The following STS variants were observed in gnomAD, a reference collection of about 807,000 sequenced individuals.
STS encodes the protein steroid sulfatase.
In STS, 7 loss-of-function variants were observed where a neutral mutation model predicts 26.8. That is an observed-to-expected ratio of 0.26 (90% CI 0.15 to 0.49). STS has a LOEUF of 0.49. Among genes scored for constraint, STS ranks in the 20% least tolerant of loss-of-function variants. The pLI, the probability that STS is intolerant of heterozygous loss-of-function variation, is 0.98. For missense variants in STS, 434 were observed against 465.6 expected (o/e 0.93, Z 0.63); for synonymous variants, 199 against 189.4 (o/e 1.05, Z -0.42).
chrX:7,291,519 C>CA (rs1925416746), intron 7 of STS, among the ~76,000 whole-genome samples: 2 of 112,074 alleles, frequency 1.8e-5, no homozygotes, highest in Non-Finnish European at 3.8e-5. Flanking sequence ...ACCACTGAAG[C>CA]AAAAAAATTA....
intron 2 of STS, among the ~76,000 whole-genome samples, chrX:7,205,278 G>T (rs114209603): frequency 1.8e-5 from 2 of 112,221 alleles, no homozygotes. Flanking sequence ...GAGAAAGAAT[G>T]GGAATGTAAT....
At chrX:7,224,251 G>A (rs1341847409) in intron 2 of STS, among the ~76,000 whole-genome samples, 2 of 111,640 alleles carry the variant, frequency 1.8e-5, no homozygotes, top group African/African-American at 6.5e-5. Context: ...GAATTAAAAT[G>A]TAATGGTTTC....
At chrX:7,223,683 A>G (rs1921674576) in intron 2 of STS, among the ~76,000 whole-genome samples, 1 of 109,800 alleles carries the variant, frequency 9.1e-6, no homozygotes, top group Non-Finnish European at 1.9e-5. Context: ...CATAGTTTGC[A>G]ATTTTTTTTC....
At chrX:7,340,302 C>G (rs1230296063) in intron 10 of STS, among the ~76,000 whole-genome samples, 5 of 111,761 alleles carry the variant, frequency 4.5e-5, no homozygotes, top group Admixed American at 9.6e-5. Flanking sequence ...TCTCTAACCC[C>G]CCGCCAGATT....
At chrX:7,201,141 A>G (rs1173683108) in intron 2 of STS, among the ~76,000 whole-genome samples, 1 of 111,599 alleles carries the variant, frequency 9.0e-6, no homozygotes, top group Admixed American at 9.5e-5. Context: ...GATGGATGAT[A>G]GGCAGACAGA....
chrX:7,212,805 T>G (rs374754609), intron 2 of STS, among the ~76,000 whole-genome samples: 50 of 112,341 alleles, frequency 4.5e-4, no homozygotes, highest in African/African-American at 1.6e-3. Context: ...ATAATGAAAT[T>G]AAATTTTATG....
At chrX:7,214,979 TAC>T (rs1283389736) in intron 2 of STS, among the ~76,000 whole-genome samples, 101 of 41,844 alleles carry the variant, frequency 2.4e-3, no homozygotes, top group East Asian at 3.2e-3. Context: ...TATGTATATA[TAC>T]ATATATATAC....
At chrX:7,202,970 GTC>G (rs1258698556) in intron 2 of STS, among the ~76,000 whole-genome samples, 1 of 110,159 alleles carries the variant, frequency 9.1e-6, no homozygotes, top group Non-Finnish European at 1.9e-5. Flanking sequence ...CCACGTCCCT[GTC>G]TCTCTGTGTC....
At chrX:7,164,313 AG>A (rs1296009088) in intron 1 of STS, among the ~76,000 whole-genome samples, 1 of 112,255 alleles carries the variant, frequency 8.9e-6, no homozygotes, top group Admixed American at 9.5e-5. Flanking sequence ...CAAGTGGAAA[AG>A]GGTTCATTCT....
chrX:7,248,621 A>G (rs1261774048), intron 2 of STS, among the ~76,000 whole-genome samples: 1 of 109,311 alleles, frequency 9.1e-6, no homozygotes, highest in Non-Finnish European at 1.9e-5. Flanking sequence ...TATTTTAACT[A>G]ATAAGTTCAT....
intron 1 of STS, among the ~76,000 whole-genome samples, chrX:7,165,588 A>C (rs1468860713): frequency 9.0e-6 from 1 of 111,646 alleles, no homozygotes; most frequent in Non-Finnish European, 1.9e-5. Context: ...TGAGGTTGCC[A>C]TGAGCTGTGA....
Position 7,350,641 on chromosome X carries a change from CTA to C in STS, c.*382_*383del. 1 of 188,419 alleles carries C rather than the reference CTA, an allele frequency of 5.3e-6. No homozygotes were observed. Among genetic ancestry groups the C allele is most frequent in the African/African-American group, 2.9e-5 (1 of 34,459 alleles). The allele number at this position is 188,419 out of a possible 1,213,427, so 15.5% of individuals were successfully genotyped here. On this transcript the variant is annotated 3_prime_UTR_variant, in exon 11 of 11. Transcript: ENST00000674429. ...CCTTAACTCACCCCTCAGCAAATAC[CTA>C]TGTCAACAGTATAAGTTACCATTTA...
chrX:7,240,405 C>G (rs1483857072), intron 2 of STS, among the ~76,000 whole-genome samples: 1 of 103,397 alleles, frequency 9.7e-6, no homozygotes, highest in African/African-American at 3.5e-5. Context: ...TGCACCTGAA[C>G]TAACCCTTTT....
chrX:7,256,001 C>T (rs1252383842), intron 3 of STS, among the ~76,000 whole-genome samples: 1 of 111,878 alleles, frequency 8.9e-6, no homozygotes, highest in Non-Finnish European at 1.9e-5. Flanking sequence ...CATTGCTTTA[C>T]AGTGAAGAAG....
At chrX:7,155,901 C>T (rs1933122804) in intron 1 of STS, among the ~76,000 whole-genome samples, 1 of 111,870 alleles carries the variant, frequency 8.9e-6, no homozygotes, top group South Asian at 3.7e-4. Flanking sequence ...ATAATCTCAG[C>T]GCTTTGGGAG....
intron 2 of STS, among the ~76,000 whole-genome samples, chrX:7,249,093 T>C (rs187748072): frequency 9.0e-6 from 1 of 110,586 alleles, no homozygotes; most frequent in Admixed American, 9.7e-5. Flanking sequence ...AAAAGCCTTT[T>C]GGGAAGGAAT....
At chrX:7,257,182 A>G in intron 3 of STS, 60 bp from the exon 4 acceptor site, 1 of 1,198,825 alleles carries the variant, frequency 8.3e-7, no homozygotes, top group Non-Finnish European at 1.1e-6. Flanking sequence ...CCTGTCTCAA[A>G]ACTAAATACA....
chrX:7,327,030 C>G (rs1197054579), intron 9 of STS, among the ~76,000 whole-genome samples: 1 of 111,961 alleles, frequency 8.9e-6, no homozygotes, highest in Non-Finnish European at 1.9e-5. Flanking sequence ...CCCCAGTGAT[C>G]TTTTCCTGAT....
chrX:7,215,156 T>C (rs868229679), intron 2 of STS, among the ~76,000 whole-genome samples: 22 of 95,728 alleles, frequency 2.3e-4, no homozygotes, highest in African/African-American at 1.9e-4. Flanking sequence ...TATATATATA[T>C]ACACACCACA....
Sources: allele counts gnomAD v4.1 joint callset (sites outside exome capture counted in the v4.1 genomes callset), GRCh38; gene constraint gnomAD v4.1.1; transcripts MANE v1.5; gene names NCBI Gene and HGNC (gene_info 2026-07-23, HGNC 2026-07-21).